Variants in LRMDA observed in about 807,000 individuals in gnomAD.
LRMDA encodes the protein leucine-rich melanocyte differentiation-associated protein.
LRMDA carries 18 observed loss-of-function variants against 29.8 expected under a neutral mutation model. The ratio of observed to expected loss-of-function variants is 0.60; its 90% confidence interval spans 0.42 to 0.90. The LOEUF (loss-of-function observed/expected upper bound fraction) is 0.90, where lower values mean the gene tolerates loss of function less well. Among genes scored for constraint, LRMDA ranks in the 40% least tolerant of loss-of-function variants. The pLI is 0.00. For missense variants in LRMDA, 273 were observed against 273.9 expected (o/e 1.00, Z 0.02); for synonymous variants, 125 against 109.4 (o/e 1.14, Z -0.89).
intron 6 of LRMDA, among the ~76,000 whole-genome samples, chr10:76,333,784 G>C (rs1840934029): frequency 6.6e-6 from 1 of 152,152 alleles, no homozygotes; most frequent in South Asian, 2.1e-4. Flanking sequence ...GGCTGACTGG[G>C]AGTACAAAAA....
At chr10:75,987,825 A>G (rs1348591622) in intron 2 of LRMDA, among the ~76,000 whole-genome samples, 1 of 152,226 alleles carries the variant, frequency 6.6e-6, no homozygotes, top group African/African-American at 2.4e-5. Flanking sequence ...CCCATGACAA[A>G]TGCCAAGTCA....
At chr10:76,192,994 TA>T (rs1851272786) in intron 5 of LRMDA, among the ~76,000 whole-genome samples, 1 of 152,236 alleles carries the variant, frequency 6.6e-6, no homozygotes, top group Non-Finnish European at 1.5e-5. Flanking sequence ...AAAATGTTTT[TA>T]AGTATGCCCC....
chr10:75,475,144 G>T (rs530921672), intron 2 of LRMDA, among the ~76,000 whole-genome samples: 1 of 152,264 alleles, frequency 6.6e-6, no homozygotes, highest in East Asian at 1.9e-4. Flanking sequence ...CATCTGATGG[G>T]GCCTGATGCT....
chr10:76,122,163 A>C (rs974562938), intron 5 of LRMDA, among the ~76,000 whole-genome samples: 14 of 152,282 alleles, frequency 9.2e-5, no homozygotes, highest in Admixed American at 3.3e-4. Context: ...GGAACAGCAA[A>C]TGCATCTTCT....
chr10:76,303,213 T>A (rs975329480), intron 5 of LRMDA, among the ~76,000 whole-genome samples: 3 of 104,980 alleles, frequency 2.9e-5, no homozygotes, highest in African/African-American at 1.9e-4. Context: ...ACTCCTCCCT[T>A]TTTTTTTTTT....
At chr10:75,691,129 GATATATAGATCTATATATCTATA>G (rs1259418676) in intron 2 of LRMDA, among the ~76,000 whole-genome samples, 7,691 of 90,496 alleles carry the variant, frequency 0.085, 1,055 homozygotes, top group African/African-American at 0.32. Context: ...TATATACATA[GATATATAGATCTATATATCTATA>G]TACATAGATA....
At chr10:76,206,084 C>T (rs1343992523) in intron 5 of LRMDA, among the ~76,000 whole-genome samples, 3 of 152,146 alleles carry the variant, frequency 2.0e-5, no homozygotes, top group Admixed American at 6.5e-5. Context: ...GATCAAAAGA[C>T]GCATCTGGAT....
intron 2 of LRMDA, among the ~76,000 whole-genome samples, chr10:75,864,582 G>T (rs1320852082): frequency 6.6e-6 from 1 of 152,056 alleles, no homozygotes; most frequent in Non-Finnish European, 1.5e-5. Context: ...TTGTTTATTG[G>T]GTGCAAGACT....
At chr10:76,135,992 T>G (rs1850087638) in intron 5 of LRMDA, among the ~76,000 whole-genome samples, 1 of 152,188 alleles carries the variant, frequency 6.6e-6, no homozygotes, top group Non-Finnish European at 1.5e-5. Context: ...GTGCTTTATC[T>G]TGTAGTTTAA....
In LRMDA at chr10:76,542,268, T is replaced by G. The variant is rs1392682716; in HGVS notation, c.602-14941T>G. Reference sequence around the variant, plus strand: ...TACAGATGTAAATGTTATTATAGCTTTTATATTTTATGTTCTTGTTGAAAG... The same window carrying G: ...TACAGATGTAAATGTTATTATAGCTGTTATATTTTATGTTCTTGTTGAAAG... On this transcript the variant is annotated intron_variant, in intron 6 of 6. Coordinates refer to ENST00000611255, the MANE Select transcript of LRMDA (RefSeq NM_001305581.2). 2.6e-5 allele frequency among the ~76,000 whole-genome samples: 4 copies of G among 152,346 alleles called. No individual in the cohort carries two copies. The East Asian group carries it at 7.7e-4, about 29-fold the overall frequency.
At chr10:75,708,986 CTT>C (rs1842404001) in intron 2 of LRMDA, among the ~76,000 whole-genome samples, 1 of 152,174 alleles carries the variant, frequency 6.6e-6, no homozygotes, top group Non-Finnish European at 1.5e-5. Context: ...GTTGCTGCCT[CTT>C]TTTTCCTGGC....
At chr10:76,005,927 TTAAATAAATAAA>T (rs10590818) in intron 2 of LRMDA, among the ~76,000 whole-genome samples, 10 of 148,412 alleles carry the variant, frequency 6.7e-5, no homozygotes, top group Admixed American at 4.0e-4. Context: ...AGACTCCATC[TTAAATAAATAAA>T]TAAATAAATA....
At chr10:75,986,697 G>T (rs1847267487) in intron 2 of LRMDA, among the ~76,000 whole-genome samples, 1 of 152,260 alleles carries the variant, frequency 6.6e-6, no homozygotes, top group Non-Finnish European at 1.5e-5. Flanking sequence ...CTTGGATGTT[G>T]TAAGGGACCT....
chr10:75,494,402 A>G (rs1462492767), intron 2 of LRMDA, among the ~76,000 whole-genome samples: 1 of 150,932 alleles, frequency 6.6e-6, no homozygotes, highest in South Asian at 2.1e-4. Flanking sequence ...TCCTAAAGAG[A>G]TGTTATTTAT....
At chr10:76,511,605 G>A (rs1843009859) in intron 6 of LRMDA, among the ~76,000 whole-genome samples, 1 of 151,468 alleles carries the variant, frequency 6.6e-6, no homozygotes, top group South Asian at 2.1e-4. Context: ...ATCCAAAAAT[G>A]AAATTAAGAG....
intron 4 of LRMDA, among the ~76,000 whole-genome samples, chr10:76,048,110 C>G (rs1471319673): frequency 6.6e-6 from 1 of 152,174 alleles, no homozygotes; most frequent in Non-Finnish European, 1.5e-5. Flanking sequence ...ACCTCTCTCT[C>G]CATTATGACA....
chr10:76,028,126 C>T (rs1564633600), intron 2 of LRMDA, among the ~76,000 whole-genome samples: 1 of 152,022 alleles, frequency 6.6e-6, no homozygotes, highest in African/African-American at 2.4e-5. Flanking sequence ...TCTCATTAGT[C>T]TTGTGTTTGT....
At chr10:75,618,785 T>A (rs1269910804) in intron 2 of LRMDA, among the ~76,000 whole-genome samples, 3 of 149,786 alleles carry the variant, frequency 2.0e-5, no homozygotes, top group Non-Finnish European at 4.5e-5. Context: ...CTCTTTTTTT[T>A]TTTTTTTTGA....
chr10:75,525,592 CTTTTTTT>C (rs11415547), intron 2 of LRMDA, among the ~76,000 whole-genome samples: 35 of 129,710 alleles, frequency 2.7e-4, no homozygotes, highest in African/African-American at 9.4e-4. Context: ...TTCTTTCTTT[CTTTTTTT>C]TTTTTTTTTT....
Sources: allele counts gnomAD v4.1 joint callset (sites outside exome capture counted in the v4.1 genomes callset), GRCh38; gene constraint gnomAD v4.1.1; transcripts MANE v1.5; gene names NCBI Gene and HGNC (gene_info 2026-07-23, HGNC 2026-07-21).